CCDC150: variants seen among roughly 807,000 people sequenced by gnomAD.
CCDC150 encodes the protein coiled-coil domain-containing protein 150.
CCDC150 carries 151 observed loss-of-function variants against 156.5 expected under a neutral mutation model. The observed-to-expected ratio is 0.97, with a 90% confidence interval of 0.85 to 1.10. CCDC150 has a LOEUF of 1.10. Ranked by LOEUF, CCDC150 falls within the 50% of genes least tolerant of loss-of-function variation. CCDC150 has a pLI of 0.00. For missense variants in CCDC150, 1,312 were observed against 1,268.1 expected (o/e 1.03, Z -0.53); for synonymous variants, 452 against 429.4 (o/e 1.05, Z -0.65).
At chr2:196,682,118 T>A (rs1694867811) in intron 13 of CCDC150, among the ~76,000 whole-genome samples, 1 of 152,082 alleles carries the variant, frequency 6.6e-6, no homozygotes, top group Non-Finnish European at 1.5e-5. Flanking sequence ...TGATCCACTT[T>A]GAGTTTATTT....
chr2:196,681,480 G>A (rs983002073), intron 13 of CCDC150, among the ~76,000 whole-genome samples: 1 of 151,916 alleles, frequency 6.6e-6, no homozygotes, highest in Non-Finnish European at 1.5e-5. Context: ...TCAATTCTTT[G>A]TGATATATAT....
rs774084484 is a variant in CCDC150 at position 196,732,506 on chromosome 2, A to G, written c.3250A>G (p.Lys1084Glu). The change falls in exon 28 of 28, where the codon AAA (lysine) becomes GAA (glutamate). Residue 1084 changes from lysine to glutamate, a missense_variant. Transcript: ENST00000389175. Reference protein sequence around the residue: ...NQSVLHRWERKQNLRPMPKKY... With the variant: ...NQSVLHRWEREQNLRPMPKKY... The stretch of plus-strand genomic sequence containing the variant: ...ATCTGTTCTGCATCGATGGGAGAGA[A>G]AACAGAATCTTAGGCCCATGCCCAA... 2 of 1,613,874 alleles carry G rather than the reference A, an allele frequency of 1.2e-6. No individual in the cohort carries two copies. Among genetic ancestry groups the G allele is most frequent in the South Asian group, 2.2e-5 (2 of 91,090 alleles).
intron 2 of CCDC150, among the ~76,000 whole-genome samples, chr2:196,654,870 G>A (rs916989424): frequency 2.0e-5 from 3 of 152,146 alleles, no homozygotes; most frequent in African/African-American, 7.2e-5. Context: ...CCCTCATGTA[G>A]GAGATCTTAC....
intron 15 of CCDC150, among the ~76,000 whole-genome samples, chr2:196,711,150 A>G (rs1429437764): frequency 6.6e-6 from 1 of 152,192 alleles, no homozygotes; most frequent in Non-Finnish European, 1.5e-5. Flanking sequence ...TAGCATATAT[A>G]CTGAAAAGTA....
At chr2:196,723,836 T>A (rs939242157) in intron 21 of CCDC150, among the ~76,000 whole-genome samples, 3 of 152,142 alleles carry the variant, frequency 2.0e-5, no homozygotes, top group African/African-American at 4.8e-5. Flanking sequence ...GAGTAAGTGA[T>A]TGATGAGGAA....
Position 196,660,363 on chromosome 2 carries a change from CT to C in CCDC150, c.645+1504del, listed in dbSNP as rs1693490998. On this transcript the variant is annotated intron_variant, in intron 5 of 27. Transcript: ENST00000389175. ...GCAATTGCTGGTTCATCTGGTAAGC[CT>C]ATGTTTAGCTTTGTATGAAGCTGCC... 3.9e-5 allele frequency among the ~76,000 whole-genome samples: 6 copies of C among 152,268 alleles called. No individual in the cohort carries two copies. In the South Asian group the frequency reaches 1.2e-3, roughly 32 times the overall value.
intron 5 of CCDC150, among the ~76,000 whole-genome samples, chr2:196,665,096 T>C (rs989319089): frequency 2.6e-5 from 4 of 152,166 alleles, no homozygotes; most frequent in Non-Finnish European, 5.9e-5. Context: ...TCAGAAAATA[T>C]AGAAATACAG....
chr2:196,712,482 T>C (rs1439066752), intron 16 of CCDC150, 195 bp from the exon 17 acceptor site: 1 of 591,390 alleles, frequency 1.7e-6, no homozygotes, highest in African/African-American at 1.9e-5. Context: ...TTGCTTATTA[T>C]AGTTAGGAAA....
At chr2:196,696,744 T>C (rs1695855210) in intron 14 of CCDC150, among the ~76,000 whole-genome samples, 1 of 152,240 alleles carries the variant, frequency 6.6e-6, no homozygotes, top group Non-Finnish European at 1.5e-5. Context: ...TTTTAAATCT[T>C]AGCAATATCA....
At chr2:196,731,919 A>G in intron 26 of CCDC150, 114 bp from the exon 27 acceptor site, 1 of 892,228 alleles carries the variant, frequency 1.1e-6, no homozygotes, top group Non-Finnish European at 1.7e-6. Context: ...GTGAAGAACA[A>G]GCAGTCAGAA....
chr2:196,662,804 T>C (rs1219307345), intron 5 of CCDC150, among the ~76,000 whole-genome samples: 4 of 150,340 alleles, frequency 2.7e-5, no homozygotes, highest in African/African-American at 9.7e-5. Context: ...GGCACAGTGG[T>C]GTACACCTGT....
intron 7 of CCDC150, chr2:196,667,109 G>A: frequency 2.1e-6 from 1 of 469,430 alleles, no homozygotes; most frequent in Middle Eastern, 5.9e-4. Flanking sequence ...GGGAATATTT[G>A]GTTTCTAGAC....
Position 196,732,719 on chromosome 2 carries a change from T to C in CCDC150, c.*157T>C, listed in dbSNP as rs6744752. On this transcript the variant is annotated 3_prime_UTR_variant, in exon 28 of 28. Transcript: ENST00000389175. Reference sequence around the variant, plus strand: ...GAGTTTATCACTTTATGAACTCTTATATCAGTACAAAACTACCCCTTTTTT... The same window carrying C: ...GAGTTTATCACTTTATGAACTCTTACATCAGTACAAAACTACCCCTTTTTT... The C allele has an allele frequency of 0.032, 17,443 of 553,694 alleles. 334 individuals carry two copies. Among genetic ancestry groups the C allele is most frequent in the Non-Finnish European group, 0.042 (12,903 of 309,692 alleles). The allele number at this position is 553,694 out of a possible 1,614,324, so 34.3% of individuals were successfully genotyped here. A position where few individuals can be genotyped will look rare whatever the true frequency, so the allele number is the denominator to read the frequency against.
chr2:196,700,201 C>T (rs1696115257), intron 14 of CCDC150, among the ~76,000 whole-genome samples: 2 of 152,172 alleles, frequency 1.3e-5, no homozygotes, highest in African/African-American at 2.4e-5. Flanking sequence ...ATTAATAAGA[C>T]TTTGAACTTA....
chr2:196,719,634 G>A lies in CCDC150; in HGVS notation c.2133G>A (p.Arg711=), dbSNP rs2125704401. Residue 711 remains arginine (R), a synonymous_variant, in exon 19 of 28, where the codon AGG becomes AGA. Coordinates refer to ENST00000389175, the MANE Select transcript of CCDC150 (RefSeq NM_001080539.2). ...LEKVQIELGR[R]DSEIAGLKKE... ...AAGTACAAATAGAGCTTGGGCGGAG[G>A]GATTCAGAGATTGCAGGCCTCAAGA... The A allele has an allele frequency of 6.2e-7, 1 of 1,611,270 alleles. No individual in the cohort carries two copies. Among genetic ancestry groups the A allele is most frequent in the South Asian group, 1.1e-5 (1 of 90,396 alleles).
At chr2:196,666,069 G>A (rs1693822835) in intron 6 of CCDC150, among the ~76,000 whole-genome samples, 1 of 151,980 alleles carries the variant, frequency 6.6e-6, no homozygotes, top group Non-Finnish European at 1.5e-5. Flanking sequence ...TGTCTGACAT[G>A]GATAGAAAAT....
At chr2:196,690,612 TAAAAA>T (rs879300596) in intron 13 of CCDC150, among the ~76,000 whole-genome samples, 1 of 146,136 alleles carries the variant, frequency 6.8e-6, no homozygotes, top group African/African-American at 2.5e-5. Context: ...TAGTGAATAT[TAAAAA>T]AAAAAAGAGT....
At chr2:196,695,484 A>C in intron 14 of CCDC150, among the ~76,000 whole-genome samples, 1 of 152,152 alleles carries the variant, frequency 6.6e-6, no homozygotes, top group Admixed American at 6.5e-5. Context: ...AATCAGTAAT[A>C]AGTCTGATTT....
chr2:196,730,659 A>C (rs772604693), intron 25 of CCDC150, among the ~76,000 whole-genome samples, 200 bp from the exon 26 acceptor site: 1 of 152,202 alleles, frequency 6.6e-6, no homozygotes, highest in African/African-American at 2.4e-5. Flanking sequence ...AAAATGTGTA[A>C]TCATATCCAC....
Sources: gnomAD v4.1 joint callset for allele counts (sites outside exome capture counted in the v4.1 genomes callset) on GRCh38, gnomAD v4.1.1 for gene constraint, MANE v1.5 for transcripts, NCBI Gene and HGNC (gene_info 2026-07-23, HGNC 2026-07-21) for gene names.